The following PPARGC1A variants were observed in gnomAD, a reference collection of about 807,000 sequenced individuals.
PPARGC1A encodes the protein peroxisome proliferator-activated receptor gamma coactivator 1-alpha.
A neutral mutation model predicts 88.7 loss-of-function variants in PPARGC1A; 25 were observed. The observed-to-expected ratio is 0.28, with a 90% confidence interval of 0.21 to 0.39. PPARGC1A has a LOEUF of 0.39. Among genes scored for constraint, PPARGC1A ranks in the 10% least tolerant of loss-of-function variants. The pLI is 1.00. For missense variants in PPARGC1A, 880 were observed against 968.7 expected (o/e 0.91, Z 1.22); for synonymous variants, 363 against 355.6 (o/e 1.02, Z -0.24).
chr4:23,877,425 C>G (rs1467308960), intron 2 of PPARGC1A, among the ~76,000 whole-genome samples: 2 of 142,082 alleles, frequency 1.4e-5, no homozygotes, highest in African/African-American at 5.3e-5. Flanking sequence ...GTAGTCCCAG[C>G]TACTAGGGAG....
At chr4:24,162,718 A>G in the PPARGC1A span, among the ~76,000 whole-genome samples, 1 of 151,546 alleles carries the variant, frequency 6.6e-6, no homozygotes. Context: ...CTGCCTCCCA[A>G]GTAGCTGGTA....
chr4:23,811,870 C>A (rs564807711), intron 10 of PPARGC1A, among the ~76,000 whole-genome samples: 7 of 144,532 alleles, frequency 4.8e-5, no homozygotes, highest in South Asian at 2.2e-4. Flanking sequence ...AGATGACGAC[C>A]ATCACGCAGA....
Position 23,889,886 on chromosome 4 carries a change from A to T in PPARGC1A, c.54+18T>A. 1.2e-6 allele frequency: 2 copies of T among 1,612,642 alleles called. No homozygotes were observed. Among genetic ancestry groups the T allele is most frequent in the Non-Finnish European group, 1.7e-6 (2 of 1,179,182 alleles). ...AGCGTCAGTTGTGGCTGCAGCGCCG[A>T]GCCCTGCCCCAGCTCACCTCGATGT... On this transcript the variant is annotated intron_variant, in intron 1 of 12. Transcript: ENST00000264867.
the PPARGC1A span, among the ~76,000 whole-genome samples, chr4:24,440,830 A>C: frequency 6.6e-6 from 1 of 152,200 alleles, no homozygotes; most frequent in Non-Finnish European, 1.5e-5. Flanking sequence ...ACAAAAAAAA[A>C]CAACTCTTAT....
At chr4:24,431,564 T>A in the PPARGC1A span, among the ~76,000 whole-genome samples, 2 of 152,218 alleles carry the variant, frequency 1.3e-5, no homozygotes, top group Non-Finnish European at 2.9e-5. Context: ...CCAGTCACCC[T>A]GGGATCGCCA....
chr4:24,449,803 A>G, the PPARGC1A span, among the ~76,000 whole-genome samples: 1 of 152,224 alleles, frequency 6.6e-6, no homozygotes, highest in Non-Finnish European at 1.5e-5. Context: ...TTATAGGTCA[A>G]CAAAAAAGAA....
chr4:24,021,207 C>T, the PPARGC1A span, among the ~76,000 whole-genome samples: 1 of 152,196 alleles, frequency 6.6e-6, no homozygotes, highest in South Asian at 2.1e-4. Context: ...TGTGCAGCTG[C>T]CTCCAGGGGA....
the PPARGC1A span, among the ~76,000 whole-genome samples, chr4:24,376,519 T>G: frequency 6.6e-6 from 1 of 152,212 alleles, no homozygotes; most frequent in Non-Finnish European, 1.5e-5. Context: ...ATTCCAGTCC[T>G]AAAGTTTTAA....
the PPARGC1A span, among the ~76,000 whole-genome samples, chr4:24,157,926 TA>T: frequency 6.6e-6 from 1 of 152,064 alleles, no homozygotes; most frequent in African/African-American, 2.4e-5. Flanking sequence ...CTTTTCAATT[TA>T]AAAAACCACT....
chr4:24,126,479 G>C, the PPARGC1A span, among the ~76,000 whole-genome samples: 1 of 152,190 alleles, frequency 6.6e-6, no homozygotes. Flanking sequence ...CAGGAGGACT[G>C]AGTAGAAGCC....
At chr4:23,910,514 C>T in the PPARGC1A span, among the ~76,000 whole-genome samples, 1 of 143,832 alleles carries the variant, frequency 7.0e-6, no homozygotes, top group Non-Finnish European at 1.5e-5. Context: ...AATCTCGGTT[C>T]ACTGCCACCT....
the PPARGC1A span, among the ~76,000 whole-genome samples, chr4:24,242,082 C>T: frequency 6.6e-6 from 1 of 152,222 alleles, no homozygotes; most frequent in East Asian, 1.9e-4. Context: ...CCCACTACTG[C>T]TGCCCTGATG....
intron 7 of PPARGC1A, among the ~76,000 whole-genome samples, chr4:23,822,236 C>T (rs186075728): frequency 2.6e-5 from 4 of 152,202 alleles, no homozygotes; most frequent in African/African-American, 9.6e-5. Flanking sequence ...GTCATCTGAG[C>T]ATCCCTTTGG....
intron 2 of PPARGC1A, among the ~76,000 whole-genome samples, chr4:23,838,350 T>C (rs912792742): frequency 1.3e-5 from 2 of 152,170 alleles, no homozygotes; most frequent in African/African-American, 4.8e-5. Context: ...CTCCCACATG[T>C]AATGACTGAG....
At position 23,884,700 on chromosome 4, in the gene PPARGC1A, G is replaced by A. The variant is rs2946385; in HGVS notation, c.234+52C>T. 36 of 1,523,946 alleles carry A rather than the reference G, an allele frequency of 2.4e-5. No individual in the cohort carries two copies. In the African/African-American group the frequency reaches 4.4e-4, roughly 19 times the overall value. The allele number at this position is 1,523,946 out of a possible 1,614,324, so 94.4% of individuals were successfully genotyped here. On this transcript the variant is annotated intron_variant, in intron 2 of 12. Coordinates refer to ENST00000264867, the MANE Select transcript of PPARGC1A (RefSeq NM_013261.5). ...ATTCAGGTCTATTACCATGTTAGTCGGGCCCAAGCCAAACTCAATGAAAAA... is the reference window on the plus strand; with the variant it reads ...ATTCAGGTCTATTACCATGTTAGTCAGGCCCAAGCCAAACTCAATGAAAAA...
chr4:24,282,840 A>T, the PPARGC1A span, among the ~76,000 whole-genome samples: 1 of 152,156 alleles, frequency 6.6e-6, no homozygotes, highest in Non-Finnish European at 1.5e-5. Context: ...CACACCTGTC[A>T]CCCAACTTTT....
chr4:24,332,911 G>A, the PPARGC1A span, among the ~76,000 whole-genome samples: 1 of 152,180 alleles, frequency 6.6e-6, no homozygotes, highest in Non-Finnish European at 1.5e-5. Context: ...TTCATAGTGA[G>A]TCTAAGATGG....
the PPARGC1A span, among the ~76,000 whole-genome samples, chr4:24,326,859 C>T: frequency 2.6e-5 from 4 of 152,188 alleles, no homozygotes; most frequent in Non-Finnish European, 5.9e-5. Flanking sequence ...CGTGCAGCGG[C>T]TGCCGCTGCT....
chr4:23,996,286 G>T, the PPARGC1A span, among the ~76,000 whole-genome samples: 1 of 152,190 alleles, frequency 6.6e-6, no homozygotes. Context: ...GGAAATTGAG[G>T]AGTGGTCATG....
Sources: allele counts gnomAD v4.1 joint callset (sites outside exome capture counted in the v4.1 genomes callset), GRCh38; gene constraint gnomAD v4.1.1; transcripts MANE v1.5; gene names NCBI Gene and HGNC (gene_info 2026-07-23, HGNC 2026-07-21).